DPP10: variants seen among roughly 807,000 people sequenced by gnomAD.
DPP10 encodes inactive dipeptidyl peptidase 10.
A neutral mutation model predicts 120.9 loss-of-function variants in DPP10; 33 were observed. The observed-to-expected ratio is 0.27, with a 90% confidence interval of 0.21 to 0.37. The LOEUF (loss-of-function observed/expected upper bound fraction) is 0.37. Among genes scored for constraint, DPP10 ranks in the 10% least tolerant of loss-of-function variants. The probability of loss-of-function intolerance (pLI) is 1.00; values close to 1 mark genes in which losing one functional copy is unlikely to be tolerated. For missense variants in DPP10, 816 were observed against 942.8 expected, an observed-to-expected ratio of 0.87 and a Z score of 1.76; for synonymous variants, 337 against 326.1, an observed-to-expected ratio of 1.03 and a Z score of -0.36.
intron 3 of DPP10, among the ~76,000 whole-genome samples, chr2:115,386,759 C>A (rs1197197986): frequency 6.6e-6 from 1 of 152,080 alleles, no homozygotes; most frequent in Non-Finnish European, 1.5e-5. Flanking sequence ...TGCTGCTTCT[C>A]AATTTCATTC....
chr2:114,735,665 T>A (rs1479828614), intron 1 of DPP10, among the ~76,000 whole-genome samples: 1 of 152,138 alleles, frequency 6.6e-6, no homozygotes, highest in African/African-American at 2.4e-5. Flanking sequence ...GGCTCTTTGA[T>A]AATCTTTCAT....
At chr2:115,060,629 C>T (rs1025894408) in intron 1 of DPP10, among the ~76,000 whole-genome samples, 1 of 152,234 alleles carries the variant, frequency 6.6e-6, no homozygotes, top group Middle Eastern at 3.4e-3. Flanking sequence ...ATTAAATGAA[C>T]GTTATGTCAA....
chr2:115,571,965 A>G (rs533333596), intron 5 of DPP10, among the ~76,000 whole-genome samples: 1 of 152,220 alleles, frequency 6.6e-6, no homozygotes, highest in East Asian at 1.9e-4. Context: ...CTATTGAACA[A>G]TTACATCACT....
At chr2:115,136,952 G>T (rs971299749) in intron 1 of DPP10, among the ~76,000 whole-genome samples, 5 of 152,112 alleles carry the variant, frequency 3.3e-5, no homozygotes, top group Non-Finnish European at 7.4e-5. Flanking sequence ...CTTCCCTTTA[G>T]GTCTGAAGTT....
chr2:114,634,933 G>T (rs1325647801), intron 1 of DPP10, among the ~76,000 whole-genome samples: 1 of 151,726 alleles, frequency 6.6e-6, no homozygotes, highest in Non-Finnish European at 1.5e-5. Context: ...AACAAGCCTG[G>T]GTTTGATAAT....
chr2:115,807,409 T>C (rs1300545340), intron 19 of DPP10, among the ~76,000 whole-genome samples: 2 of 152,224 alleles, frequency 1.3e-5, no homozygotes, highest in African/African-American at 4.8e-5. Flanking sequence ...GGCTCATTAA[T>C]ATCTATGCTG....
At chr2:115,799,137 G>C (rs989018935) in intron 19 of DPP10, among the ~76,000 whole-genome samples, 3 of 151,880 alleles carry the variant, frequency 2.0e-5, no homozygotes, top group African/African-American at 7.3e-5. Flanking sequence ...AGAAAATGTG[G>C]CTCTGATTTC....
At chr2:115,802,644 TG>T (rs1457179835) in intron 19 of DPP10, among the ~76,000 whole-genome samples, 2 of 152,200 alleles carry the variant, frequency 1.3e-5, no homozygotes, top group African/African-American at 4.8e-5. Flanking sequence ...TTGTTCTCAT[TG>T]GTTTCAAGGA....
chr2:115,374,886 C>T (rs897336185), intron 3 of DPP10, among the ~76,000 whole-genome samples: 3 of 152,306 alleles, frequency 2.0e-5, no homozygotes, highest in Non-Finnish European at 4.4e-5. Context: ...GGCCCTTGGG[C>T]CTGGCCCAGG....
rs183345193 is a variant in DPP10 at position 114,992,861 on chromosome 2, A to G, written c.61-316378A>G. 2.3e-3 allele frequency among the ~76,000 whole-genome samples: 347 copies of G among 152,322 alleles called. 4 individuals are homozygous for G. The highest frequency in any genetic ancestry group is 8.2e-3 in the African/African-American group (342 of 41,574). On this transcript the variant is annotated intron_variant, in intron 1 of 25. Coordinates refer to ENST00000410059, the MANE Select transcript of DPP10 (RefSeq NM_020868.6). The stretch of plus-strand genomic sequence containing the variant: ...AAGTTAGCCTGTGAATGACTTGTAG[A>G]CAGTCAATGGTATTCACATATGCAT...
chr2:115,460,666 G>A (rs2073935452), intron 3 of DPP10, among the ~76,000 whole-genome samples: 1 of 152,154 alleles, frequency 6.6e-6, no homozygotes, highest in Admixed American at 6.5e-5. Flanking sequence ...TATTCTGGAT[G>A]TCTCTCATGC....
intron 5 of DPP10, among the ~76,000 whole-genome samples, chr2:115,602,371 A>G (rs572666148): frequency 1.3e-5 from 2 of 152,382 alleles, no homozygotes; most frequent in East Asian, 3.9e-4. Flanking sequence ...CATTTTTAGC[A>G]CAGAATCTTT....
chr2:114,822,792 G>C (rs978797625), intron 1 of DPP10, among the ~76,000 whole-genome samples: 1 of 152,032 alleles, frequency 6.6e-6, no homozygotes, highest in African/African-American at 2.4e-5. Flanking sequence ...AAATCTCTAG[G>C]ACACGGGCAA....
chr2:115,338,759 A>T (rs1467004015), intron 2 of DPP10, among the ~76,000 whole-genome samples: 1 of 152,238 alleles, frequency 6.6e-6, no homozygotes, highest in Non-Finnish European at 1.5e-5. Context: ...ACAAAACTTC[A>T]TATTAAGCCT....
intron 1 of DPP10, among the ~76,000 whole-genome samples, chr2:115,049,568 A>G (rs1705314324): frequency 6.6e-6 from 1 of 152,214 alleles, no homozygotes; most frequent in Non-Finnish European, 1.5e-5. Flanking sequence ...GATATAAGCC[A>G]TTCCTTTTCT....
chr2:115,293,919 C>T (rs2060770136), intron 1 of DPP10, among the ~76,000 whole-genome samples: 1 of 152,008 alleles, frequency 6.6e-6, no homozygotes, highest in Admixed American at 6.6e-5. Flanking sequence ...TCTTCCCTGA[C>T]AGCCAAGTCA....
chr2:115,000,674 A>G (rs1701381752), intron 1 of DPP10, among the ~76,000 whole-genome samples: 1 of 152,184 alleles, frequency 6.6e-6, no homozygotes, highest in East Asian at 1.9e-4. Flanking sequence ...ATATACTACT[A>G]TAATAGTTCT....
chr2:115,185,489 A>C (rs985585875), intron 1 of DPP10, among the ~76,000 whole-genome samples: 1 of 152,194 alleles, frequency 6.6e-6, no homozygotes, highest in African/African-American at 2.4e-5. Flanking sequence ...ATGGAATTTT[A>C]ATGTACCATT....
At chr2:115,026,981 T>A (rs764940091) in intron 1 of DPP10, among the ~76,000 whole-genome samples, 46 of 152,218 alleles carry the variant, frequency 3.0e-4, no homozygotes, top group Non-Finnish European at 5.9e-4. Context: ...ATGTTTTATA[T>A]CCTCTTCAAT....
Sources: gnomAD v4.1 joint callset for allele counts (sites outside exome capture counted in the v4.1 genomes callset) on GRCh38, gnomAD v4.1.1 for gene constraint, MANE v1.5 for transcripts, NCBI Gene and HGNC (gene_info 2026-07-23, HGNC 2026-07-21) for gene names.